Variants in FAM221A observed in about 807,000 individuals in gnomAD.
FAM221A encodes the protein protein FAM221A.
FAM221A carries 43 observed loss-of-function variants against 37.6 expected under a neutral mutation model. The ratio of observed to expected loss-of-function variants is 1.15; its 90% CI spans 0.90 to 1.48. FAM221A has a LOEUF of 1.48. FAM221A is among the 40% of genes most tolerant of loss of function. The pLI is 0.00. For synonymous variants in FAM221A, 135 were observed against 132.9 expected (o/e 1.02, Z -0.11); for missense variants, 361 against 361.5 (o/e 1.00, Z 0.01).
At chr7:23,691,064 C>T (rs945579851) in intron 3 of FAM221A, among the ~76,000 whole-genome samples, 12 of 152,128 alleles carry the variant, frequency 7.9e-5, no homozygotes, top group Non-Finnish European at 1.0e-4. Flanking sequence ...TACATTATCT[C>T]TTCACCTGGT....
At chr7:23,694,677 G>T (rs1183066118) in intron 4 of FAM221A, 1 of 152,174 alleles carries the variant, frequency 6.6e-6, no homozygotes, top group African/African-American at 2.4e-5. Flanking sequence ...AAAATAAGTT[G>T]CTCAGTGTTA....
chr7:23,697,975 G>A (rs1433093003), intron 4 of FAM221A, among the ~76,000 whole-genome samples: 1 of 151,786 alleles, frequency 6.6e-6, no homozygotes. Flanking sequence ...ACCAAGACTG[G>A]TCTTGAACTC....
At position 23,698,215 on chromosome 7, in the gene FAM221A, G is replaced by A. The variant is rs372100807; in HGVS notation, c.661G>A (p.Glu221Lys). The A allele has an allele frequency of 1.9e-6, 3 of 1,588,978 alleles. No individual in the cohort carries two copies. The highest frequency in any genetic ancestry group is 2.6e-6 in the Non-Finnish European group (3 of 1,163,270). Residue 221 changes from glutamate to lysine, a missense_variant, in exon 5 of 7, where the codon GAA becomes AAA. Transcript: ENST00000344962. ...AGGTGTACCTTCAGTTGAATTTTTA[G>A]AATCTCCCATTACGGCAGTAGACAG... ...GIGVPSVEFL[E>K]SPITAVDSPF...
At chr7:23,688,508 A>G (rs368824238) in intron 2 of FAM221A, 2 of 152,234 alleles carry the variant, frequency 1.3e-5, no homozygotes, top group African/African-American at 4.8e-5. Flanking sequence ...TTTGAAGTCA[A>G]AAGTCATATT....
intron 1 of FAM221A, among the ~76,000 whole-genome samples, chr7:23,682,433 A>ATTTTTTTT (rs1373503379): frequency 1.5e-5 from 1 of 67,306 alleles, no homozygotes; most frequent in Non-Finnish European, 3.3e-5. Flanking sequence ...TATTATTATT[A>ATTTTTTTT]TTATTATTTT....
chr7:23,690,199 A>AT (rs398004023), intron 3 of FAM221A, among the ~76,000 whole-genome samples: 5,760 of 48,680 alleles, frequency 0.12, 617 homozygotes, highest in Non-Finnish European at 0.15. Context: ...ATATATATAT[A>AT]TTTTTTTTTT....
At chr7:23,684,277 T>G (rs899904050) in intron 1 of FAM221A, among the ~76,000 whole-genome samples, 2 of 152,180 alleles carry the variant, frequency 1.3e-5, no homozygotes, top group African/African-American at 4.8e-5. Flanking sequence ...ATTCCAGCCT[T>G]TGTATAAGGA....
At chr7:23,681,703 C>T (rs1784052662) in intron 1 of FAM221A, among the ~76,000 whole-genome samples, 1 of 152,300 alleles carries the variant, frequency 6.6e-6, no homozygotes, top group South Asian at 2.1e-4. Context: ...CCACCGCGCC[C>T]GGCTGGGAAA....
intron 4 of FAM221A, chr7:23,692,603 A>G (rs1188270382): frequency 3.2e-6 from 3 of 932,672 alleles, no homozygotes; most frequent in Non-Finnish European, 3.8e-6. Flanking sequence ...CAGCCTCCCA[A>G]AGTGCTGGGA....
chr7:23,690,863 T>G (rs189661721), intron 3 of FAM221A, among the ~76,000 whole-genome samples: 1 of 152,344 alleles, frequency 6.6e-6, no homozygotes, highest in East Asian at 1.9e-4. Context: ...ATAAATAGAA[T>G]CATAGAATAT....
Position 23,702,256 on chromosome 7 carries a change from ACT to A in FAM221A, c.*93_*94del. 1.3e-6 allele frequency: 1 copy of A among 795,456 alleles called. No individual in the cohort carries two copies. Among genetic ancestry groups the A allele is most frequent in the Non-Finnish European group, 1.8e-6 (1 of 546,988 alleles). The allele number at this position is 795,456 out of a possible 1,614,324, so 49.3% of individuals were successfully genotyped here. ...CAGTTTATTTTTCCTGAAATTATTTACTTTTTTTTTTTACTGTATAAATGTCT... is the reference window on the plus strand; with the variant it reads ...CAGTTTATTTTTCCTGAAATTATTTATTTTTTTTTTACTGTATAAATGTCT... On this transcript the variant is annotated 3_prime_UTR_variant, in exon 7 of 7. Transcript: ENST00000344962.
chr7:23,688,139 G>C (rs1327299114), intron 2 of FAM221A: 1 of 151,596 alleles, frequency 6.6e-6, no homozygotes, highest in Non-Finnish European at 1.5e-5. Context: ...CCGCCTCCCG[G>C]GTTCACACCA....
At chr7:23,683,726 A>G (rs774017567) in intron 1 of FAM221A, among the ~76,000 whole-genome samples, 19 of 152,126 alleles carry the variant, frequency 1.2e-4, no homozygotes, top group Non-Finnish European at 2.1e-4. Flanking sequence ...ACCCATCACT[A>G]GGTTCATGGC....
intron 3 of FAM221A, among the ~76,000 whole-genome samples, chr7:23,689,875 A>G (rs1784608412): frequency 6.6e-6 from 1 of 152,234 alleles, no homozygotes; most frequent in East Asian, 1.9e-4. Flanking sequence ...TTAACATAGC[A>G]TGATCATTTT....
At chr7:23,691,659 A>G (rs1784760721) in intron 4 of FAM221A, 63 bp downstream of exon 4, 6 of 1,344,482 alleles carry the variant, frequency 4.5e-6, no homozygotes, top group Non-Finnish European at 5.3e-6. Context: ...AACAATAGTG[A>G]AGCCTTATAT....
intron 3 of FAM221A, among the ~76,000 whole-genome samples, chr7:23,690,188 TATATATATATA>T (rs1328875879): frequency 2.3e-4 from 13 of 55,350 alleles, no homozygotes; most frequent in Non-Finnish European, 4.0e-4. Flanking sequence ...TATATATATA[TATATATATATA>T]TTTTTTTTTT....
Position 23,684,493 on chromosome 7 carries a change from T to C in FAM221A, c.66-6T>C, listed in dbSNP as rs1784250179. ...AGCTTAAGAGAAATATATATTTTTG[T>C]TGTAGAATTGTTGGTGAGGATGATG... On this transcript the variant is annotated splice_region_variant and splice_polypyrimidine_tract_variant and intron_variant, in intron 1 of 6. Transcript: ENST00000344962. The C allele has an allele frequency of 3.8e-6, 6 of 1,593,830 alleles. No individual in the cohort carries two copies. Among genetic ancestry groups the C allele is most frequent in the East Asian group, 2.2e-5 (1 of 44,660 alleles).
intron 4 of FAM221A, chr7:23,692,462 C>T (rs980682188): frequency 4.8e-6 from 1 of 206,356 alleles, no homozygotes; most frequent in African/African-American, 2.4e-5. Flanking sequence ...CTGCCTCAGC[C>T]TCCCGACTAG....
chr7:23,697,120 A>C (rs1369964918), intron 4 of FAM221A, among the ~76,000 whole-genome samples: 1 of 152,186 alleles, frequency 6.6e-6, no homozygotes, highest in Non-Finnish European at 1.5e-5. Flanking sequence ...ATACAAGTTG[A>C]GCATTTGAGA....
Sources: allele counts gnomAD v4.1 joint callset (sites outside exome capture counted in the v4.1 genomes callset), GRCh38; gene constraint gnomAD v4.1.1; transcripts MANE v1.5; gene names NCBI Gene and HGNC (gene_info 2026-07-23, HGNC 2026-07-21).